COP1: variants seen among roughly 807,000 people sequenced by gnomAD.
The protein encoded by COP1 is E3 ubiquitin-protein ligase COP1.
Under a neutral mutation model 101.3 loss-of-function variants are expected in COP1, and 24 were observed. That is an observed-to-expected ratio of 0.24 (90% CI 0.17 to 0.33). COP1 has a LOEUF of 0.33. Ranked by LOEUF, COP1 falls within the 10% of genes least tolerant of loss-of-function variation. COP1 has a pLI of 1.00. For synonymous variants in COP1, 347 were observed against 341.9 expected (o/e 1.01, Z -0.17); for missense variants, 663 against 906.2 (o/e 0.73, Z 3.45).
chr1:176,124,072 TATCATC>T (rs905858385), intron 8 of COP1, among the ~76,000 whole-genome samples: 5 of 152,198 alleles, frequency 3.3e-5, no homozygotes, highest in Non-Finnish European at 7.3e-5. Context: ...AATGAACTTT[TATCATC>T]ATCATCAAGC....
At chr1:175,990,720 A>G (rs1458575513) in intron 15 of COP1, among the ~76,000 whole-genome samples, 2 of 152,032 alleles carry the variant, frequency 1.3e-5, no homozygotes, top group African/African-American at 2.4e-5. Context: ...TACCATTATA[A>G]AATGTCTTTG....
chr1:176,176,009 T>C lies in COP1; in HGVS notation c.468-2A>G. ...AAACTCTGATGAATACACTTGTAGC[T>C]ATTAGTAGGGGGGGAAAAAAAAGGC... is the stretch of plus-strand genomic sequence containing the variant. On this transcript the variant is annotated splice_acceptor_variant, in intron 2 of 19. Transcript: ENST00000367669. LOFTEE classifies it high-confidence loss of function. The C allele has an allele frequency of 6.9e-7, 1 of 1,441,728 alleles. No homozygotes were observed. The highest frequency in any genetic ancestry group is 9.6e-7 in the Non-Finnish European group (1 of 1,040,726). The allele number at this position is 1,441,728 out of a possible 1,614,324, so 89.3% of individuals were successfully genotyped here.
chr1:175,945,906 T>G (rs185671069), intron 19 of COP1, among the ~76,000 whole-genome samples: 11 of 152,360 alleles, frequency 7.2e-5, no homozygotes, highest in South Asian at 2.1e-4. Context: ...TGTCTTTATA[T>G]TAGGTAACTA....
chr1:176,202,418 G>A (rs1234301730), intron 1 of COP1, among the ~76,000 whole-genome samples: 2 of 151,740 alleles, frequency 1.3e-5, no homozygotes, highest in African/African-American at 2.4e-5. Flanking sequence ...CAAACTCCTG[G>A]GTTCAAGTAA....
chr1:176,029,698 T>C (rs1438481040), intron 14 of COP1, among the ~76,000 whole-genome samples: 1 of 152,160 alleles, frequency 6.6e-6, no homozygotes, highest in African/African-American at 2.4e-5. Context: ...AATGGAAGCA[T>C]AGTAAAAAAT....
chr1:176,164,942 C>G (rs1694869700), intron 3 of COP1, among the ~76,000 whole-genome samples: 1 of 152,002 alleles, frequency 6.6e-6, no homozygotes, highest in South Asian at 2.1e-4. Context: ...AGTATTAGCA[C>G]AGAGAGCATA....
chr1:176,025,400 A>G (rs911178496), intron 15 of COP1, among the ~76,000 whole-genome samples: 5 of 151,920 alleles, frequency 3.3e-5, no homozygotes, highest in Middle Eastern at 3.4e-3. Context: ...TAAAAAATTT[A>G]TAAGGTCCCA....
intron 15 of COP1, among the ~76,000 whole-genome samples, chr1:176,012,153 C>T (rs1419765323): frequency 6.6e-6 from 1 of 152,322 alleles, no homozygotes; most frequent in Non-Finnish European, 1.5e-5. Flanking sequence ...CTATGAATAG[C>T]CACTGTACTT....
At chr1:176,204,156 T>G (rs1700585931) in intron 1 of COP1, among the ~76,000 whole-genome samples, 1 of 152,218 alleles carries the variant, frequency 6.6e-6, no homozygotes, top group Admixed American at 6.5e-5. Flanking sequence ...CTGGGAAATC[T>G]GAGTTCTCAT....
At chr1:176,002,409 G>T (rs1196200556) in intron 15 of COP1, among the ~76,000 whole-genome samples, 8 of 151,730 alleles carry the variant, frequency 5.3e-5, no homozygotes, top group African/African-American at 1.9e-4. Flanking sequence ...CATAGTGCAG[G>T]TTAGTTACAT....
At chr1:176,057,980 G>GGCCGCCCCGTCTGAGAGGTGAGGA (rs1673943396) in intron 11 of COP1, among the ~76,000 whole-genome samples, 1 of 149,986 alleles carries the variant, frequency 6.7e-6, no homozygotes, top group Non-Finnish European at 1.5e-5. Context: ...GTCTCTGCCT[G>GGCCGCCCCGTCTGAGAGGTGAGGA]GCCGCCCCGT....
intron 1 of COP1, among the ~76,000 whole-genome samples, chr1:176,200,422 G>A (rs1700147848): frequency 2.0e-5 from 3 of 152,078 alleles, no homozygotes. Context: ...GCCCATCTGT[G>A]AATTAATACT....
At chr1:176,170,646 C>G (rs1466243765) in intron 3 of COP1, among the ~76,000 whole-genome samples, 1 of 152,154 alleles carries the variant, frequency 6.6e-6, no homozygotes, top group African/African-American at 2.4e-5. Flanking sequence ...AGAGCACAGA[C>G]ACGGTAGATT....
chr1:176,032,696 G>A (rs1668836131), intron 14 of COP1, among the ~76,000 whole-genome samples: 1 of 152,082 alleles, frequency 6.6e-6, no homozygotes, highest in South Asian at 2.1e-4. Context: ...ACTGCGAAGA[G>A]AGAAAATGAT....
Position 175,971,523 on chromosome 1 carries a change from G to GTGAAA in COP1, c.2133+15419_2133+15420insTTTCA, listed in dbSNP as rs1491484243. On this transcript the variant is annotated intron_variant, in intron 18 of 19. Coordinates refer to ENST00000367669, the MANE Select transcript of COP1 (RefSeq NM_022457.7). ...GTTGGTGAAAACATTGAGGTACTAG[G>GTGAAA]AGGGTACCCATCTGGGAAGAAAATG... Among the ~76,000 whole-genome samples, 21 of 152,160 alleles carry GTGAAA rather than the reference G, an allele frequency of 1.4e-4. No homozygotes were observed. The South Asian group carries it at 3.5e-3, about 26-fold the overall frequency.
chr1:175,949,669 A>T (rs1452788270), intron 18 of COP1, among the ~76,000 whole-genome samples: 1 of 152,240 alleles, frequency 6.6e-6, no homozygotes, highest in Non-Finnish European at 1.5e-5. Context: ...GCTACTGCCA[A>T]GAGCCACCAC....
intron 18 of COP1, among the ~76,000 whole-genome samples, chr1:175,955,747 T>C (rs1408679607): frequency 1.6e-5 from 1 of 63,704 alleles, no homozygotes; most frequent in Non-Finnish European, 3.6e-5. Flanking sequence ...ATAAAAAGCA[T>C]GAATCATTTA....
intron 1 of COP1, among the ~76,000 whole-genome samples, chr1:176,206,035 C>A (rs1700809565): frequency 6.6e-6 from 1 of 152,202 alleles, no homozygotes; most frequent in Non-Finnish European, 1.5e-5. Context: ...TAGGTACTTA[C>A]ATTATTATAA....
intron 18 of COP1, among the ~76,000 whole-genome samples, chr1:175,950,732 T>C (rs1299199522): frequency 6.6e-6 from 1 of 152,224 alleles, no homozygotes; most frequent in Non-Finnish European, 1.5e-5. Context: ...TATTTTTTTC[T>C]GACTATGAAG....
Sources: allele counts gnomAD v4.1 joint callset (sites outside exome capture counted in the v4.1 genomes callset), GRCh38; gene constraint gnomAD v4.1.1; transcripts MANE v1.5; gene names NCBI Gene and HGNC (gene_info 2026-07-23, HGNC 2026-07-21).